TUFT1: variants seen among roughly 807,000 people sequenced by gnomAD.
TUFT1 encodes the protein tuftelin.
Under a neutral mutation model 57.8 loss-of-function variants are expected in TUFT1, and 43 were observed. The ratio of observed to expected loss-of-function variants is 0.74; its 90% CI spans 0.58 to 0.96. The LOEUF is 0.96. Among genes scored for constraint, TUFT1 ranks in the 40% least tolerant of loss-of-function variants. The pLI, the probability that TUFT1 is intolerant of heterozygous loss-of-function variation, is 0.00. For synonymous variants in TUFT1, 166 were observed against 176.7 expected, an observed-to-expected ratio of 0.94 and a Z score of 0.48; for missense variants, 459 against 489.0, an observed-to-expected ratio of 0.94 and a Z score of 0.58.
In TUFT1 at chr1:151,569,730, A is replaced by T. The variant is rs1382496635; in HGVS notation, c.554A>T (p.Glu185Val). The T allele has an allele frequency of 3.7e-6, 6 of 1,614,050 alleles. No homozygotes were observed. The highest frequency in any genetic ancestry group is 5.1e-6 in the Non-Finnish European group (6 of 1,179,956). Residue 185 changes from glutamate to valine, a missense_variant, in exon 7 of 13, where the codon GAG becomes GTG. By Grantham distance (121) the Glu-to-Val change is moderately radical (BLOSUM62 -2). Transcript: ENST00000368849. The part of the protein sequence containing the change: ...TVQDLLAKLQ[E>V]AKRQHQSDCV... ...CAGGACTTGCTGGCCAAGCTTCAGG[A>T]GGCCAAGCGGCAACACCAGTCAGAC...
chr1:151,573,367 G>A (rs1029850849), intron 7 of TUFT1, among the ~76,000 whole-genome samples: 4 of 152,220 alleles, frequency 2.6e-5, no homozygotes, highest in African/African-American at 9.7e-5. Flanking sequence ...CCTGGAGGAT[G>A]AGTAGGAGTT....
intron 1 of TUFT1, among the ~76,000 whole-genome samples, chr1:151,549,748 A>T (rs1432457541): frequency 2.0e-5 from 3 of 152,112 alleles, no homozygotes; most frequent in Non-Finnish European, 4.4e-5. Flanking sequence ...TTTGAAACAG[A>T]GTCTCGCTCT....
intron 1 of TUFT1, among the ~76,000 whole-genome samples, chr1:151,559,149 C>CT (rs1665803543): frequency 6.6e-6 from 1 of 152,198 alleles, no homozygotes; most frequent in Non-Finnish European, 1.5e-5. Flanking sequence ...GCCATTCTGG[C>CT]TATTTTGAAA....
At chr1:151,550,896 C>G (rs1307951141) in intron 1 of TUFT1, among the ~76,000 whole-genome samples, 1 of 152,074 alleles carries the variant, frequency 6.6e-6, no homozygotes, top group Non-Finnish European at 1.5e-5. Context: ...CACTGCACTC[C>G]CGCCTGGGTA....
chr1:151,541,627 G>C (rs1665170246), intron 1 of TUFT1, among the ~76,000 whole-genome samples: 1 of 152,146 alleles, frequency 6.6e-6, no homozygotes, highest in Admixed American at 6.5e-5. Context: ...TTCAGGTTTA[G>C]AATACAGATG....
chr1:151,542,867 G>T (rs1665210847), intron 1 of TUFT1, among the ~76,000 whole-genome samples: 1 of 152,184 alleles, frequency 6.6e-6, no homozygotes, highest in African/African-American at 2.4e-5. Context: ...CCAACTTGCA[G>T]ACAGAATTTA....
chr1:151,583,186 G>A lies in TUFT1; in HGVS notation c.*1479G>A, dbSNP rs963799867. ...TGACCTCAGGTGATCCACCCACCTC[G>A]GCTTCCCAAAGTGCTAGGATTATAG... On this transcript the variant is annotated 3_prime_UTR_variant, in exon 13 of 13. Coordinates refer to ENST00000368849, the MANE Select transcript of TUFT1 (RefSeq NM_020127.3). 1 of 152,192 alleles carries A rather than the reference G, an allele frequency of 6.6e-6. No individual in the cohort carries two copies. Among genetic ancestry groups the A allele is most frequent in the Non-Finnish European group, 1.5e-5 (1 of 68,042 alleles). 9.4% of individuals were successfully genotyped at this position (152,192 alleles called of 1,614,324 possible). A position where few individuals can be genotyped will look rare whatever the true frequency, so the allele number is the denominator to read the frequency against.
In TUFT1 at chr1:151,582,041, C is replaced by A. The variant is rs1306285167; in HGVS notation, c.*334C>A. On this transcript the variant is annotated 3_prime_UTR_variant, in exon 13 of 13. Transcript: ENST00000368849. Reference sequence around the variant, plus strand: ...GACTCTGGCTGTGCCATAAGCCAGGCCTTCATCAGATTGGGAGAGGTGACA... The same window carrying A: ...GACTCTGGCTGTGCCATAAGCCAGGACTTCATCAGATTGGGAGAGGTGACA... 1.7e-5 allele frequency: 9 copies of A among 540,346 alleles called. No homozygotes were observed. Among genetic ancestry groups the A allele is most frequent in the South Asian group, 6.1e-5 (4 of 65,224 alleles). The allele number at this position is 540,346 out of a possible 1,614,324, so 33.5% of individuals were successfully genotyped here. A position where few individuals can be genotyped will look rare whatever the true frequency, so the allele number is the denominator to read the frequency against.
intron 1 of TUFT1, among the ~76,000 whole-genome samples, chr1:151,549,365 G>A (rs747245083): frequency 1.5e-4 from 23 of 152,152 alleles, no homozygotes; most frequent in Non-Finnish European, 2.6e-4. Context: ...GGTGCAGGCC[G>A]AGGTCTGTGG....
chr1:151,554,695 CTTTTTTTTTTTT>C (rs771656418), intron 1 of TUFT1, among the ~76,000 whole-genome samples: 1 of 85,678 alleles, frequency 1.2e-5, no homozygotes, highest in African/African-American at 5.0e-5. Flanking sequence ...GCCCGGCCCC[CTTTTTTTTTTTT>C]TTTTTTTTTT....
chr1:151,565,790 TAAG>T (rs2102541635), intron 5 of TUFT1: 1 of 161,258 alleles, frequency 6.2e-6, no homozygotes, highest in South Asian at 1.8e-4. Flanking sequence ...ATTCCCTGGC[TAAG>T]AAGAATGGGC....
At chr1:151,554,460 C>T (rs1425553533) in intron 1 of TUFT1, among the ~76,000 whole-genome samples, 3 of 152,278 alleles carry the variant, frequency 2.0e-5, no homozygotes, top group African/African-American at 4.8e-5. Flanking sequence ...AGTGCAGTGG[C>T]ACGATCTTGG....
chr1:151,562,275 G>C lies in TUFT1; in HGVS notation c.135+110G>C, dbSNP rs1665921811. 3.1e-6 allele frequency: 3 copies of C among 965,440 alleles called. No individual in the cohort carries two copies. The Admixed American group carries it at 6.2e-5, about 20-fold the overall frequency. The allele number at this position is 965,440 out of a possible 1,614,324, so 59.8% of individuals were successfully genotyped here. On this transcript the variant is annotated intron_variant, in intron 2 of 12. Coordinates refer to ENST00000368849, the MANE Select transcript of TUFT1 (RefSeq NM_020127.3). ...GCCGACTCTGGTGATGCGAGCGTGG[G>C]AGCCCCTCCTTTCAGCAACATCCAG...
chr1:151,572,353 G>A (rs995417810), intron 7 of TUFT1, among the ~76,000 whole-genome samples: 5 of 152,086 alleles, frequency 3.3e-5, no homozygotes, highest in Admixed American at 6.5e-5. Flanking sequence ...AGTCAAATGT[G>A]GAAGGGGAGT....
chr1:151,557,670 C>G (rs1265120979), intron 1 of TUFT1: 2 of 901,514 alleles, frequency 2.2e-6, no homozygotes, highest in Non-Finnish European at 3.7e-6. Flanking sequence ...ATGAGGGCAT[C>G]CAGTATCTCC....
intron 1 of TUFT1, chr1:151,557,672 A>T: frequency 2.2e-6 from 2 of 894,522 alleles, no homozygotes; most frequent in Admixed American, 3.4e-5. Flanking sequence ...GAGGGCATCC[A>T]GTATCTCCGT....
chr1:151,557,733 C>T (rs1168308968), intron 1 of TUFT1: 7 of 785,230 alleles, frequency 8.9e-6, no homozygotes, highest in South Asian at 2.7e-5. Context: ...ATGCTGCAGC[C>T]GTCCAGAGAC....
At chr1:151,543,980 A>G (rs1332548854) in intron 1 of TUFT1, among the ~76,000 whole-genome samples, 1 of 114,540 alleles carries the variant, frequency 8.7e-6, no homozygotes, top group African/African-American at 3.0e-5. Context: ...CCTTCTTTAA[A>G]TCACTTTTTT....
At chr1:151,560,811 C>T (rs1187691818) in intron 1 of TUFT1, among the ~76,000 whole-genome samples, 1 of 152,220 alleles carries the variant, frequency 6.6e-6, no homozygotes, top group Non-Finnish European at 1.5e-5. Flanking sequence ...GGCTAAGCCC[C>T]TCATTCACTT....
Sources: gnomAD v4.1 joint callset for allele counts (sites outside exome capture counted in the v4.1 genomes callset) on GRCh38, gnomAD v4.1.1 for gene constraint, MANE v1.5 for transcripts, NCBI Gene and HGNC (gene_info 2026-07-23, HGNC 2026-07-21) for gene names.